Variants in SUPT3H observed in about 807,000 individuals in gnomAD.
SUPT3H encodes the protein transcription initiation protein SPT3 homolog.
A neutral mutation model predicts 44.3 loss-of-function variants in SUPT3H; 44 were observed. That is an observed-to-expected ratio of 0.99 (90% CI 0.78 to 1.28). The LOEUF (loss-of-function observed/expected upper bound fraction) is 1.28, where lower values mean the gene tolerates loss of function less well. Among genes scored for constraint, SUPT3H ranks in the 50% most tolerant of loss-of-function variants. The pLI, the probability that SUPT3H is intolerant of heterozygous loss-of-function variation, is 0.00. For missense variants in SUPT3H, 380 were observed against 387.1 expected, an observed-to-expected ratio of 0.98 and a Z score of 0.15; for synonymous variants, 124 against 125.6, an observed-to-expected ratio of 0.99 and a Z score of 0.09.
At chr6:44,862,074 C>A (rs1055361835) in intron 10 of SUPT3H, among the ~76,000 whole-genome samples, 2 of 152,186 alleles carry the variant, frequency 1.3e-5, no homozygotes, top group African/African-American at 4.8e-5. Context: ...ATGCCTCAGC[C>A]CCCGCCTCTC....
At chr6:45,372,012 A>T in intron 1 of SUPT3H, 2 of 941,732 alleles carry the variant, frequency 2.1e-6, no homozygotes, top group Non-Finnish European at 2.5e-6. Flanking sequence ...TCTACTATAC[A>T]TCAAAGAATA....
At chr6:45,128,571 C>G (rs1403863792) in intron 2 of SUPT3H, among the ~76,000 whole-genome samples, 3 of 125,258 alleles carry the variant, frequency 2.4e-5, no homozygotes, top group Non-Finnish European at 4.9e-5. Context: ...CACACACACA[C>G]ACACACACAC....
At chr6:45,290,409 T>C (rs1265528963) in intron 2 of SUPT3H, among the ~76,000 whole-genome samples, 4 of 139,638 alleles carry the variant, frequency 2.9e-5, no homozygotes, top group East Asian at 2.1e-4. Context: ...TGCACTGTCA[T>C]AGGATTAAGT....
At chr6:45,365,494 T>C (rs1483956007) in intron 1 of SUPT3H, among the ~76,000 whole-genome samples, 193 bp from the exon 2 acceptor site, 1 of 151,792 alleles carries the variant, frequency 6.6e-6, no homozygotes, top group Non-Finnish European at 1.5e-5. Flanking sequence ...AAAAAACTAG[T>C]CAAGTAAGAT....
At chr6:45,053,786 G>T (rs1055154409) in intron 3 of SUPT3H, among the ~76,000 whole-genome samples, 2 of 149,480 alleles carry the variant, frequency 1.3e-5, no homozygotes, top group Admixed American at 6.7e-5. Flanking sequence ...GTGGTGATGG[G>T]CGCCTGTACT....
At chr6:45,336,232 G>C (rs1460276614) in intron 2 of SUPT3H, among the ~76,000 whole-genome samples, 3 of 151,358 alleles carry the variant, frequency 2.0e-5, no homozygotes, top group African/African-American at 7.3e-5. Flanking sequence ...CATTTTAAAA[G>C]TGTTAGCTAG....
intron 10 of SUPT3H, among the ~76,000 whole-genome samples, chr6:44,872,455 T>A (rs1270042930): frequency 6.9e-6 from 1 of 145,700 alleles, no homozygotes; most frequent in Non-Finnish European, 1.5e-5. Context: ...TGCTGAGAGA[T>A]TTTGTCACCA....
chr6:45,375,949 T>C (rs1340114512), intron 1 of SUPT3H, among the ~76,000 whole-genome samples: 1 of 152,152 alleles, frequency 6.6e-6, no homozygotes, highest in Non-Finnish European at 1.5e-5. Flanking sequence ...AATGTCCTAA[T>C]GCTCAAGAGT....
chr6:45,128,009 C>G (rs746916152), intron 2 of SUPT3H, among the ~76,000 whole-genome samples: 2 of 152,112 alleles, frequency 1.3e-5, no homozygotes, highest in Non-Finnish European at 2.9e-5. Flanking sequence ...ACTGTTTCTT[C>G]TTGACAGACT....
chr6:45,023,890 C>A (rs1416706590), intron 3 of SUPT3H, among the ~76,000 whole-genome samples: 3 of 152,014 alleles, frequency 2.0e-5, no homozygotes, highest in Non-Finnish European at 4.4e-5. Context: ...TTCACATGTA[C>A]CCCTGAACCT....
At position 45,264,830 on chromosome 6, in the gene SUPT3H, G is replaced by A. The variant is rs757599759; in HGVS notation, c.101+100371C>T. On this transcript the variant is annotated intron_variant, in intron 2 of 10. Coordinates refer to ENST00000371459, the MANE Select transcript of SUPT3H (RefSeq NM_003599.4). ...AAGGAAGGAGAGGAAAGAGACAAAT[G>A]AAGACAAGTAGGGAGACGAGCAAAA... Among the ~76,000 whole-genome samples the A allele has an allele frequency of 5.9e-4, 89 of 152,114 alleles. 2 individuals carry two copies. In the Middle Eastern group the frequency reaches 0.01, roughly 17 times the overall value.
intron 3 of SUPT3H, among the ~76,000 whole-genome samples, chr6:45,028,203 T>A (rs1252893908): frequency 6.6e-6 from 1 of 152,238 alleles, no homozygotes; most frequent in African/African-American, 2.4e-5. Context: ...ATACTGGAGA[T>A]CATTTTATTT....
At chr6:45,350,143 T>C (rs1791717873) in intron 2 of SUPT3H, among the ~76,000 whole-genome samples, 1 of 152,192 alleles carries the variant, frequency 6.6e-6, no homozygotes, top group East Asian at 1.9e-4. Context: ...AGAAATAAAA[T>C]TGATATTTCT....
At chr6:45,150,376 G>A (rs1312082221) in intron 2 of SUPT3H, among the ~76,000 whole-genome samples, 2 of 152,038 alleles carry the variant, frequency 1.3e-5, no homozygotes, top group Non-Finnish European at 2.9e-5. Context: ...ATGAAAAAAT[G>A]ACCATTGTTG....
intron 2 of SUPT3H, among the ~76,000 whole-genome samples, chr6:45,292,708 T>C (rs563742924): frequency 1.4e-4 from 16 of 113,150 alleles, no homozygotes; most frequent in African/African-American, 5.0e-4. Flanking sequence ...CAAAAGAAAC[T>C]TTAAAGCAAC....
At chr6:45,047,125 C>T in intron 3 of SUPT3H, among the ~76,000 whole-genome samples, 1 of 152,106 alleles carries the variant, frequency 6.6e-6, no homozygotes. Flanking sequence ...GATTTTCTAG[C>T]TATATGATTA....
intron 2 of SUPT3H, among the ~76,000 whole-genome samples, chr6:45,147,517 A>G (rs1806273299): frequency 6.6e-6 from 1 of 152,112 alleles, no homozygotes; most frequent in South Asian, 2.1e-4. Context: ...GAAAAATATT[A>G]TTATACAGTG....
At chr6:44,820,618 T>C (rs1451012715) in intron 11 of SUPT3H, among the ~76,000 whole-genome samples, 2 of 152,256 alleles carry the variant, frequency 1.3e-5, no homozygotes, top group African/African-American at 2.4e-5. Flanking sequence ...TGTCATGCAC[T>C]GTTCTAAGTG....
Position 45,308,568 on chromosome 6 carries a change from C to T in SUPT3H, c.101+56633G>A, listed in dbSNP as rs149512492. On this transcript the variant is annotated intron_variant, in intron 2 of 10. Coordinates refer to ENST00000371459, the MANE Select transcript of SUPT3H (RefSeq NM_003599.4). ...GCTGAGAGATTTTGTCACCACCAGG[C>T]CTGCCCTACAAGAGCTCCTGTCCTG... Among the ~76,000 whole-genome samples, 354 of 152,178 alleles carry T rather than the reference C, an allele frequency of 2.3e-3. 1 individual carries two copies. The highest frequency in any genetic ancestry group is 7.8e-3 in the African/African-American group (323 of 41,502).
Sources: gnomAD v4.1 joint callset for allele counts (sites outside exome capture counted in the v4.1 genomes callset) on GRCh38, gnomAD v4.1.1 for gene constraint, MANE v1.5 for transcripts, NCBI Gene and HGNC (gene_info 2026-07-23, HGNC 2026-07-21) for gene names.